Variants in SRGAP2C observed in about 807,000 individuals in gnomAD.
SRGAP2C encodes SLIT-ROBO Rho GTPase activating protein 2C.
SRGAP2C carries 15 observed loss-of-function variants against 25.1 expected under a neutral mutation model. The observed-to-expected ratio is 0.60, with a 90% confidence interval of 0.40 to 0.92. SRGAP2C has a LOEUF of 0.92. Among genes scored for constraint, SRGAP2C ranks in the 40% least tolerant of loss-of-function variants. SRGAP2C has a pLI of 0.00. For missense variants in SRGAP2C, 144 were observed against 264.4 expected, an observed-to-expected ratio of 0.54 and a Z score of 3.16; for synonymous variants, 44 against 96.6, an observed-to-expected ratio of 0.46 and a Z score of 3.19.
chr1:121,329,773 G>T (rs1658395135), intron 4 of SRGAP2C, among the ~76,000 whole-genome samples: 1 of 151,948 alleles, frequency 6.6e-6, no homozygotes, highest in South Asian at 2.1e-4. Context: ...ATGAAGCCAT[G>T]TTGGAGATTC....
At position 121,186,640 on chromosome 1, in the gene SRGAP2C, C is replaced by G. The variant is rs868908067; in HGVS notation, c.-542-265C>G. On this transcript the variant is annotated intron_variant, in intron 1 of 9. Transcript: ENST00000367123. Reference sequence around the variant, plus strand: ...CAGGAGGCCGCCGAGGTGCCGCATTCCCCGCCCGGTGCCCCGCGTTCCTGC... The same window carrying G: ...CAGGAGGCCGCCGAGGTGCCGCATTGCCCGCCCGGTGCCCCGCGTTCCTGC... 7.0e-3 allele frequency among the ~76,000 whole-genome samples: 1,064 copies of G among 151,638 alleles called. 1 individual carries two copies. The highest frequency in any genetic ancestry group is 0.025 in the African/African-American group (1,020 of 41,348).
intron 5 of SRGAP2C, among the ~76,000 whole-genome samples, chr1:121,370,682 A>G (rs2790276): frequency 2.1e-4 from 32 of 152,218 alleles, no homozygotes; most frequent in African/African-American, 7.7e-4. Context: ...CTGACCTCGT[A>G]ATCCGCCCAC....
At chr1:121,284,219 TCTTC>T (rs1468889508) in intron 2 of SRGAP2C, among the ~76,000 whole-genome samples, 5 of 151,202 alleles carry the variant, frequency 3.3e-5, no homozygotes, top group Non-Finnish European at 7.4e-5. Flanking sequence ...TGGGAGATTT[TCTTC>T]CTATCTCCAT....
intron 3 of SRGAP2C, among the ~76,000 whole-genome samples, chr1:121,295,501 T>G (rs1216180161): frequency 6.6e-6 from 1 of 151,752 alleles, no homozygotes; most frequent in Non-Finnish European, 1.5e-5. Flanking sequence ...CTTCTTACCA[T>G]GTGCCAGACA....
At position 121,374,865 on chromosome 1, in the gene SRGAP2C, A is replaced by C. The variant is rs781987792; in HGVS notation, c.742A>C (p.Lys248Gln). 1.3e-6 allele frequency: 1 copy of C among 779,032 alleles called. No individual in the cohort carries two copies. 48.3% of individuals were successfully genotyped at this position (779,032 alleles called of 1,614,324 possible). A position where few individuals can be genotyped will look rare whatever the true frequency, so the allele number is the denominator to read the frequency against. ...KYTENKLKAIKAQNEYLLALE... is the reference protein window; with the variant it reads ...KYTENKLKAIQAQNEYLLALE... The stretch of plus-strand genomic sequence containing the variant: ...CACGGAGAATAAGCTGAAGGCCATC[A>C]AAGCCCAGAATGAGTACTTGCTGGC... The change falls in exon 7 of 10, where the codon AAA becomes CAA. Residue 248 changes from lysine (K) to glutamine (Q), a missense_variant. Physicochemically the swap from Lys to Gln is moderately conservative, Grantham distance 53 (BLOSUM62 1). Around this residue, in one of 5 missense-constraint regions of SRGAP2C, gnomAD observed 34 missense variants for 23.0 expected, o/e 1.48. Transcript: ENST00000367123.
chr1:121,189,869 G>A (rs111768593), intron 2 of SRGAP2C, among the ~76,000 whole-genome samples: 4 of 131,068 alleles, frequency 3.1e-5, no homozygotes, highest in African/African-American at 1.2e-4. Flanking sequence ...CTCAACCCAG[G>A]AAATGGATAT....
At chr1:121,285,919 C>G (rs1337470541) in intron 3 of SRGAP2C, among the ~76,000 whole-genome samples, 1 of 152,116 alleles carries the variant, frequency 6.6e-6, no homozygotes, top group African/African-American at 2.4e-5. Flanking sequence ...TTTGTTCTCC[C>G]TGGGCCACAT....
chr1:121,366,689 T>A (rs1444307825), intron 5 of SRGAP2C, among the ~76,000 whole-genome samples: 1 of 151,860 alleles, frequency 6.6e-6, no homozygotes, highest in Non-Finnish European at 1.5e-5. Context: ...GAAGAGCTAT[T>A]ACTCCTTTCT....
intron 2 of SRGAP2C, among the ~76,000 whole-genome samples, chr1:121,225,772 T>G (rs1440788788): frequency 1.3e-5 from 2 of 148,544 alleles, no homozygotes; most frequent in African/African-American, 5.0e-5. Context: ...GAGTGTGATC[T>G]CAGCTCACTG....
At chr1:121,285,345 G>A (rs1192247021) in intron 3 of SRGAP2C, among the ~76,000 whole-genome samples, 4 of 146,632 alleles carry the variant, frequency 2.7e-5, no homozygotes, top group Non-Finnish European at 4.5e-5. Context: ...GGAAACTGAG[G>A]CATAAAAAGG....
At chr1:121,234,963 T>C (rs1240698888) in intron 2 of SRGAP2C, among the ~76,000 whole-genome samples, 5 of 151,902 alleles carry the variant, frequency 3.3e-5, no homozygotes, top group Non-Finnish European at 7.4e-5. Context: ...TCTTTTCTTC[T>C]TTTCTTTCCT....
At chr1:121,267,918 T>A (rs1656841184) in intron 2 of SRGAP2C, among the ~76,000 whole-genome samples, 1 of 151,948 alleles carries the variant, frequency 6.6e-6, no homozygotes, top group South Asian at 2.1e-4. Context: ...TATAAAAAAT[T>A]CAAGCAAAAC....
rs1310390225 is a variant in SRGAP2C at position 121,391,681 on chromosome 1, A to G, written c.*3826A>G. On this transcript the variant is annotated 3_prime_UTR_variant, in exon 10 of 10. Transcript: ENST00000367123. ...AAAAAAAAAAATCCTTAACAATATA[A>G]TAAGTAAAGAAAATTTAAAACCACA... The G allele has an allele frequency of 6.6e-6, 1 of 152,426 alleles. No individual in the cohort carries two copies. The highest frequency in any genetic ancestry group is 1.9e-4 in the East Asian group (1 of 5,196). The allele number at this position is 152,426 out of a possible 1,614,324, so 9.4% of individuals were successfully genotyped here. A position where few individuals can be genotyped will look rare whatever the true frequency, so the allele number is the denominator to read the frequency against.
At chr1:121,300,344 CATGGTGAGAGT>C (rs1291719653) in intron 3 of SRGAP2C, among the ~76,000 whole-genome samples, 3 of 107,114 alleles carry the variant, frequency 2.8e-5, no homozygotes, top group Non-Finnish European at 6.0e-5. Flanking sequence ...CAGCATGTCA[CATGGTGAGAGT>C]GGGAGTGAGA....
At chr1:121,278,448 GTCTC>G (rs1238402902) in intron 2 of SRGAP2C, among the ~76,000 whole-genome samples, 3 of 148,936 alleles carry the variant, frequency 2.0e-5, no homozygotes, top group African/African-American at 7.5e-5. Context: ...GTGGTGCTGT[GTCTC>G]TCTCTCTGCT....
At position 121,185,065 on chromosome 1, in the gene SRGAP2C, G is replaced by T. The variant is rs1654463651; in HGVS notation, c.-602G>T. 7 of 504,688 alleles carry T rather than the reference G, an allele frequency of 1.4e-5. No individual in the cohort carries two copies. Among genetic ancestry groups the T allele is most frequent in the African/African-American group, 2.2e-5 (1 of 45,264 alleles). The allele number at this position is 504,688 out of a possible 1,614,324, so 31.3% of individuals were successfully genotyped here. On this transcript the variant is annotated 5_prime_UTR_variant, in exon 1 of 10. Transcript: ENST00000367123. ...GAAACGGGTGGCGGGGAAGAGAGGG[G>T]AGGAGAGCTCTGAGTGGGAAGCGGA...
At chr1:121,258,003 G>A in intron 2 of SRGAP2C, among the ~76,000 whole-genome samples, 1 of 151,170 alleles carries the variant, frequency 6.6e-6, no homozygotes, top group Admixed American at 6.6e-5. Flanking sequence ...GGAAGGGTGG[G>A]AAGGTGGAGT....
chr1:121,235,036 T>C (rs1655916220), intron 2 of SRGAP2C, among the ~76,000 whole-genome samples: 1 of 149,060 alleles, frequency 6.7e-6, no homozygotes, highest in Non-Finnish European at 1.5e-5. Flanking sequence ...CTTTTTTTTT[T>C]TTTGAGGCGG....
Position 121,239,210 on chromosome 1 carries a change from A to C in SRGAP2C, c.68-45593A>C, listed in dbSNP as rs1471513362. On this transcript the variant is annotated intron_variant, in intron 2 of 9. Coordinates refer to ENST00000367123, the MANE Select transcript of SRGAP2C (RefSeq NM_001329984.2). ...TATATATATATATATATATATATATATATATATATATATATATACTATATA... is the reference window on the plus strand; with the variant it reads ...TATATATATATATATATATATATATCTATATATATATATATATACTATATA... Among the ~76,000 whole-genome samples the C allele has an allele frequency of 1.5e-3, 5 of 3,354 alleles. 2 individuals carry two copies. Among genetic ancestry groups the C allele is most frequent in the African/African-American group, 0.013 (5 of 386 alleles). The allele number at this position is 3,354 out of a possible 152,430, so 2.2% of individuals were successfully genotyped here.
Sources: allele counts gnomAD v4.1 joint callset (sites outside exome capture counted in the v4.1 genomes callset), GRCh38; gene constraint gnomAD v4.1.1; regional missense constraint gnomAD v4.1.1; transcripts MANE v1.5; gene names NCBI Gene and HGNC (gene_info 2026-07-23, HGNC 2026-07-21).